RADIL: variants seen among roughly 807,000 people sequenced by gnomAD.
The protein encoded by RADIL is Rap associating with DIL domain.
In RADIL, 99 loss-of-function variants were observed where a neutral mutation model predicts 97.6. The observed-to-expected ratio is 1.01, with a 90% confidence interval of 0.86 to 1.20. The LOEUF (loss-of-function observed/expected upper bound fraction) is 1.20. Ranked by LOEUF, RADIL falls within the 50% of genes most tolerant of loss-of-function variation. The pLI is 0.00. For synonymous variants in RADIL, 803 were observed against 691.8 expected, an observed-to-expected ratio of 1.16 and a Z score of -2.52; for missense variants, 1,765 against 1,498.9, an observed-to-expected ratio of 1.18 and a Z score of -2.93.
chr7:4,807,807 TCTC>T (rs1306814801), intron 9 of RADIL, among the ~76,000 whole-genome samples: 2 of 53,098 alleles, frequency 3.8e-5, no homozygotes, highest in African/African-American at 1.9e-4. Flanking sequence ...TCCCTCCCTC[TCTC>T]CTCCTTCCTA....
intron 9 of RADIL, among the ~76,000 whole-genome samples, chr7:4,807,019 T>G (rs1311661332): frequency 6.6e-6 from 1 of 152,146 alleles, no homozygotes; most frequent in African/African-American, 2.4e-5. Context: ...CCTCAATGCG[T>G]GGCTCTGGAG....
rs190564614 is a variant in RADIL, at chr7:4,872,848, G to C, written c.535+4757C>G. 2.6e-4 allele frequency among the ~76,000 whole-genome samples: 40 copies of C among 152,318 alleles called. No individual in the cohort carries two copies. Among genetic ancestry groups the C allele is most frequent in the Non-Finnish European group, 5.3e-4 (36 of 68,018 alleles). ...CCCACCAGACTCTGTAGGGGAGTCC[G>C]AGGTGAGGGGCAGGGGAGAGGCCTG... On this transcript the variant is annotated intron_variant, in intron 2 of 14. Coordinates refer to ENST00000399583, the MANE Select transcript of RADIL (RefSeq NM_018059.5). This position sits in a 1 kb window ranked among gnomAD's most constrained non-coding sequence, Gnocchi z 5.8.
chr7:4,835,017 T>G lies in RADIL; in HGVS notation c.1006A>C (p.Thr336Pro). The change falls in exon 4 of 15, where the codon ACC (threonine) becomes CCC (proline). Residue 336 changes from threonine to proline, a missense_variant. Coordinates refer to ENST00000399583, the MANE Select transcript of RADIL (RefSeq NM_018059.5). The surrounding 1 kb of genome is among the most constrained non-coding windows in gnomAD (Gnocchi z 5.8). The part of the protein sequence containing the change: ...SVNFSEVGHR[T>P]VVLHHGDLLS... ...AGGTCCCCGTGGTGCAGCACCACGG[T>G]CCTGTGCCCCACCTCGGAGAAGTTG... The G allele has an allele frequency of 6.2e-7, 1 of 1,611,340 alleles. No homozygotes were observed. Among genetic ancestry groups the G allele is most frequent in the Admixed American group, 1.7e-5 (1 of 59,888 alleles).
intron 2 of RADIL, among the ~76,000 whole-genome samples, chr7:4,845,174 C>T (rs1001125301): frequency 6.6e-6 from 1 of 151,968 alleles, no homozygotes; most frequent in African/African-American, 2.4e-5. Flanking sequence ...AATCCCAGCA[C>T]TTTGGGAGGC....
chr7:4,836,903 A>G (rs751011600), intron 2 of RADIL, among the ~76,000 whole-genome samples: 2 of 152,058 alleles, frequency 1.3e-5, no homozygotes, highest in Non-Finnish European at 2.9e-5. Flanking sequence ...GCACCACTGC[A>G]CTCCAGCCTG....
rs1781954632 is a variant in RADIL, at chr7:4,797,439, A to T, written c.*1939T>A. On this transcript the variant is annotated 3_prime_UTR_variant, in exon 15 of 15. Coordinates refer to ENST00000399583, the MANE Select transcript of RADIL (RefSeq NM_018059.5). ...AGAATATTGCAGGGAAGAAGAGATA[A>T]GCCCCCTTCTCTTTGTGGGAGGAAC... The T allele has an allele frequency of 6.6e-6, 1 of 152,216 alleles. No individual in the cohort carries two copies. The highest frequency in any genetic ancestry group is 1.5e-5 in the Non-Finnish European group (1 of 68,042). The allele number at this position is 152,216 out of a possible 1,614,324, so 9.4% of individuals were successfully genotyped here. A position where few individuals can be genotyped will look rare whatever the true frequency, so the allele number is the denominator to read the frequency against.
At chr7:4,875,728 A>G (rs1452305680) in intron 2 of RADIL, among the ~76,000 whole-genome samples, 1 of 152,222 alleles carries the variant, frequency 6.6e-6, no homozygotes, top group Non-Finnish European at 1.5e-5. Flanking sequence ...TCCCGTGCAG[A>G]AAACATCCCA....
intron 2 of RADIL, among the ~76,000 whole-genome samples, chr7:4,852,805 A>C (rs1297745612): frequency 2.0e-5 from 3 of 152,130 alleles, no homozygotes; most frequent in Non-Finnish European, 4.4e-5. Flanking sequence ...GGCCTCCCAA[A>C]GTGCTGGGAT....
At chr7:4,836,038 C>T (rs1345224501) in intron 3 of RADIL, among the ~76,000 whole-genome samples, 1 of 152,236 alleles carries the variant, frequency 6.6e-6, no homozygotes, top group Non-Finnish European at 1.5e-5. Context: ...CATGCCCTTC[C>T]CCAGAGCCAG....
chr7:4,853,791 G>C (rs1440904437), intron 2 of RADIL, among the ~76,000 whole-genome samples: 1 of 151,180 alleles, frequency 6.6e-6, no homozygotes, highest in East Asian at 1.9e-4. Context: ...AAGTTATTTG[G>C]AAGTGATTTT....
intron 9 of RADIL, among the ~76,000 whole-genome samples, chr7:4,812,637 G>A (rs1782577798): frequency 6.6e-6 from 1 of 152,036 alleles, no homozygotes; most frequent in African/African-American, 2.4e-5. Context: ...GGGCAGGCTG[G>A]TCTCAAACTC....
chr7:4,816,953 T>A lies in RADIL; in HGVS notation c.1728+286A>T, dbSNP rs1218200014. Among the ~76,000 whole-genome samples the A allele has an allele frequency of 2.0e-5, 3 of 152,112 alleles. No homozygotes were observed. The East Asian group carries it at 5.8e-4, about 29-fold the overall frequency. On this transcript the variant is annotated intron_variant, in intron 7 of 14. Coordinates refer to ENST00000399583, the MANE Select transcript of RADIL (RefSeq NM_018059.5). ...GCCCCATGCTGGGGCCTCCCCCACC[T>A]CATCCCTGACCCTCGAAATACTGGC...
chr7:4,827,462 C>T (rs1212008111), intron 5 of RADIL, among the ~76,000 whole-genome samples: 1 of 151,210 alleles, frequency 6.6e-6, no homozygotes, highest in Non-Finnish European at 1.5e-5. Flanking sequence ...GCGATCAAGA[C>T]CATCCTGGCT....
chr7:4,848,155 A>C (rs571873909), intron 2 of RADIL, among the ~76,000 whole-genome samples: 55 of 151,308 alleles, frequency 3.6e-4, no homozygotes, highest in Non-Finnish European at 7.1e-4. Flanking sequence ...AGCTGAGATC[A>C]CACCACTGCA....
chr7:4,819,878 C>T lies in RADIL; in HGVS notation c.1615+2516G>A, dbSNP rs1782782662. ...CGCCGGGCCAAACACTGCTCAGGCC[C>T]CTGACCAAAAATAACTTCCTCCCAA... On this transcript the variant is annotated intron_variant, in intron 6 of 14. Transcript: ENST00000399583. The surrounding 1 kb of genome is among the most constrained non-coding windows in gnomAD (Gnocchi z 5.8). Among the ~76,000 whole-genome samples the T allele has an allele frequency of 6.6e-6, 1 of 152,182 alleles. No individual in the cohort carries two copies. Among genetic ancestry groups the T allele is most frequent in the Non-Finnish European group, 1.5e-5 (1 of 68,026 alleles).
intron 5 of RADIL, 50 bp downstream of exon 5, chr7:4,832,091 C>T (rs752517453): frequency 1.3e-6 from 2 of 1,599,724 alleles, no homozygotes; most frequent in Non-Finnish European, 1.7e-6. Context: ...AAGTGTGAGC[C>T]CCCAGGACCT....
At position 4,835,610 on chromosome 7, in the gene RADIL, T is replaced by A. The variant is rs539956714; in HGVS notation, c.784-371A>T. ...AAAACTGTGTGGGAGCACTGCCGCC[T>A]GTGTGGGAGCACCACCCCCAGTGTG... On this transcript the variant is annotated intron_variant, in intron 3 of 14. Coordinates refer to ENST00000399583, the MANE Select transcript of RADIL (RefSeq NM_018059.5). This position sits in a 1 kb window ranked among gnomAD's most constrained non-coding sequence, Gnocchi z 5.8. Among the ~76,000 whole-genome samples the A allele has an allele frequency of 6.6e-6, 1 of 152,076 alleles. No homozygotes were observed. The highest frequency in any genetic ancestry group is 1.5e-5 in the Non-Finnish European group (1 of 67,958).
chr7:4,874,213 T>G (rs541626916), intron 2 of RADIL, among the ~76,000 whole-genome samples: 1 of 152,348 alleles, frequency 6.6e-6, no homozygotes, highest in South Asian at 2.1e-4. Flanking sequence ...AGCACCTGTG[T>G]GGACATTTCT....
rs1427666645 is a variant in RADIL, at chr7:4,821,031, C to T, written c.1615+1363G>A. Among the ~76,000 whole-genome samples, 1 of 152,216 alleles carries T rather than the reference C, an allele frequency of 6.6e-6. No individual in the cohort carries two copies. Among genetic ancestry groups the T allele is most frequent in the East Asian group, 1.9e-4 (1 of 5,190 alleles). ...TCAGATGCAGCCACAGCCACAGCCC[C>T]CTCCCAGGGATGGGGACACAGCTGA... On this transcript the variant is annotated intron_variant, in intron 6 of 14. Transcript: ENST00000399583. This position sits in a 1 kb window ranked among gnomAD's most constrained non-coding sequence, Gnocchi z 5.2.
Sources: gnomAD v4.1 joint callset for allele counts (sites outside exome capture counted in the v4.1 genomes callset) on GRCh38, gnomAD v4.1.1 for gene constraint, Gnocchi (gnomAD v3.1) non-coding constraint, MANE v1.5 for transcripts, NCBI Gene and HGNC (gene_info 2026-07-23, HGNC 2026-07-21) for gene names.